Variants in ARHGAP18 observed in about 807,000 individuals in gnomAD.
The protein encoded by ARHGAP18 is Rho GTPase activating protein 18, also known as rho GTPase-activating protein 18.
In ARHGAP18, 67 loss-of-function variants were observed where a neutral mutation model predicts 86.2. That is an observed-to-expected ratio of 0.78 (90% confidence interval 0.64 to 0.95). ARHGAP18 has a LOEUF of 0.95. Ranked by LOEUF, ARHGAP18 falls within the 40% of genes least tolerant of loss-of-function variation. The pLI is 0.00. For synonymous variants in ARHGAP18, 283 were observed against 280.4 expected (o/e 1.01, Z -0.09); for missense variants, 691 against 780.4 (o/e 0.89, Z 1.37).
At chr6:129,674,889 C>A (rs1052384028) in intron 1 of ARHGAP18, among the ~76,000 whole-genome samples, 5 of 152,124 alleles carry the variant, frequency 3.3e-5, no homozygotes, top group African/African-American at 9.7e-5. Context: ...GTGTGGCCAA[C>A]TGAATCTATG....
chr6:129,624,539 C>T (rs1424290955), intron 5 of ARHGAP18, among the ~76,000 whole-genome samples: 1 of 151,814 alleles, frequency 6.6e-6, no homozygotes, highest in Non-Finnish European at 1.5e-5. Context: ...AACAAACACA[C>T]ACAAAAAACC....
At chr6:129,650,691 T>C (rs138976222) in intron 1 of ARHGAP18, among the ~76,000 whole-genome samples, 1 of 152,336 alleles carries the variant, frequency 6.6e-6, no homozygotes, top group Non-Finnish European at 1.5e-5. Context: ...CTATTATCTG[T>C]CACCATGACT....
At chr6:129,628,475 C>T (rs1773089978) in intron 5 of ARHGAP18, among the ~76,000 whole-genome samples, 1 of 152,140 alleles carries the variant, frequency 6.6e-6, no homozygotes, top group Non-Finnish European at 1.5e-5. Flanking sequence ...TCAAGGATGA[C>T]AAATTATTAT....
intron 12 of ARHGAP18, among the ~76,000 whole-genome samples, chr6:129,584,374 G>A (rs1584020809): frequency 2.0e-5 from 3 of 152,248 alleles, no homozygotes; most frequent in East Asian, 3.9e-4. Flanking sequence ...AACCATTACT[G>A]CCATATTAAG....
rs143972192 is a variant in ARHGAP18, at chr6:129,652,027, A to G, written c.114-10009T>C. On this transcript the variant is annotated intron_variant, in intron 1 of 14. Coordinates refer to ENST00000368149, the MANE Select transcript of ARHGAP18 (RefSeq NM_033515.3). ...AGCCCTTCCAGACACCCAATCCACC[A>G]GCCCTTTGATCTTGAACTTTCCAGT... is the stretch of plus-strand genomic sequence containing the variant. 3.5e-3 allele frequency among the ~76,000 whole-genome samples: 537 copies of G among 152,338 alleles called. 3 individuals are homozygous for G. Among genetic ancestry groups the G allele is most frequent in the African/African-American group, 0.012 (506 of 41,582 alleles).
intron 8 of ARHGAP18, among the ~76,000 whole-genome samples, chr6:129,610,722 G>A (rs762589560): frequency 1.4e-4 from 21 of 152,058 alleles, no homozygotes; most frequent in Non-Finnish European, 1.5e-4. Flanking sequence ...CTGCCTCCCA[G>A]GTTCAAGCGA....
chr6:129,705,545 C>CT (rs1293173227), intron 1 of ARHGAP18, among the ~76,000 whole-genome samples: 1 of 152,086 alleles, frequency 6.6e-6, no homozygotes, highest in African/African-American at 2.4e-5. Context: ...CTTCAAAGGC[C>CT]TAAACTTTTA....
intron 1 of ARHGAP18, among the ~76,000 whole-genome samples, chr6:129,697,516 G>T (rs1287433740): frequency 6.6e-6 from 1 of 151,828 alleles, no homozygotes; most frequent in African/African-American, 2.4e-5. Context: ...TTTTTCTGAG[G>T]CCTGCAATTT....
chr6:129,600,042 CTG>C (rs1788706316), intron 11 of ARHGAP18, among the ~76,000 whole-genome samples: 2 of 152,168 alleles, frequency 1.3e-5, no homozygotes, highest in South Asian at 4.2e-4. Context: ...TATCATCACT[CTG>C]TCTTTTTAAC....
At chr6:129,646,460 C>T (rs552382952) in intron 1 of ARHGAP18, among the ~76,000 whole-genome samples, 67 of 152,204 alleles carry the variant, frequency 4.4e-4, no homozygotes, top group African/African-American at 1.6e-3. Context: ...TCTCAGGACT[C>T]CTTTACACAC....
intron 1 of ARHGAP18, among the ~76,000 whole-genome samples, chr6:129,705,728 G>A (rs1409427725): frequency 6.6e-6 from 1 of 152,176 alleles, no homozygotes; most frequent in East Asian, 1.9e-4. Flanking sequence ...ATTAAGGAAA[G>A]TAGCAGCTAG....
chr6:129,622,394 A>G (rs769324157), intron 5 of ARHGAP18, among the ~76,000 whole-genome samples: 9 of 152,160 alleles, frequency 5.9e-5, no homozygotes, highest in Non-Finnish European at 1.3e-4. Context: ...TAATAAGTCA[A>G]ACACATGTAA....
chr6:129,639,481 ACT>A (rs1773401252), intron 2 of ARHGAP18, among the ~76,000 whole-genome samples: 2 of 152,090 alleles, frequency 1.3e-5, no homozygotes, highest in South Asian at 4.1e-4. Context: ...CCTCAAGTTG[ACT>A]CTGTTTTCTG....
chr6:129,666,570 C>T (rs1486680243), intron 1 of ARHGAP18, among the ~76,000 whole-genome samples: 2 of 152,210 alleles, frequency 1.3e-5, no homozygotes, highest in Non-Finnish European at 2.9e-5. Flanking sequence ...CCCTGGCCCT[C>T]TCCACACCGT....
At chr6:129,669,603 C>G (rs1357423509) in intron 1 of ARHGAP18, among the ~76,000 whole-genome samples, 1 of 151,734 alleles carries the variant, frequency 6.6e-6, no homozygotes, top group East Asian at 2.0e-4. Flanking sequence ...CTGACCAACA[C>G]GGAGAAACCC....
At chr6:129,668,149 G>C (rs962863182) in intron 1 of ARHGAP18, among the ~76,000 whole-genome samples, 2 of 152,074 alleles carry the variant, frequency 1.3e-5, no homozygotes, top group African/African-American at 2.4e-5. Context: ...AGCTTATCTG[G>C]TCTTGTTTAT....
At chr6:129,608,203 C>A (rs1207463149) in intron 8 of ARHGAP18, 151 bp from the exon 9 acceptor site, 24 of 1,020,480 alleles carry the variant, frequency 2.4e-5, no homozygotes, top group Non-Finnish European at 3.1e-5. Context: ...ATTTCTTTTA[C>A]TCAGAAAAAA....
chr6:129,665,796 G>C (rs986198302), intron 1 of ARHGAP18, among the ~76,000 whole-genome samples: 2 of 151,942 alleles, frequency 1.3e-5, no homozygotes, highest in East Asian at 1.9e-4. Flanking sequence ...TCTGAACCTC[G>C]GTTTTTTCAC....
At chr6:129,681,395 G>A (rs1026110722) in intron 1 of ARHGAP18, among the ~76,000 whole-genome samples, 4 of 152,088 alleles carry the variant, frequency 2.6e-5, no homozygotes, top group Non-Finnish European at 5.9e-5. Flanking sequence ...TCTTAACATT[G>A]TTAATACTTA....
Sources: gnomAD v4.1 joint callset for allele counts (sites outside exome capture counted in the v4.1 genomes callset) on GRCh38, gnomAD v4.1.1 for gene constraint, MANE v1.5 for transcripts, NCBI Gene and HGNC (gene_info 2026-07-23, HGNC 2026-07-21) for gene names.